DSCAML1: variants seen among roughly 807,000 people sequenced by gnomAD.
DSCAML1 encodes DS cell adhesion molecule like 1, also known as cell adhesion molecule DSCAML1.
In DSCAML1, 38 loss-of-function variants were observed where a neutral mutation model predicts 200.5. The ratio of observed to expected loss-of-function variants is 0.19; its 90% CI spans 0.15 to 0.25. The LOEUF is 0.25. Among genes scored for constraint, DSCAML1 ranks in the 10% least tolerant of loss-of-function variants. The probability of loss-of-function intolerance (pLI) is 1.00; values close to 1 mark genes in which losing one functional copy is unlikely to be tolerated. For missense variants in DSCAML1, 2,223 were observed against 2,858.8 expected (o/e 0.78, Z 5.07); for synonymous variants, 1,215 against 1,165.0 (o/e 1.04, Z -0.87).
At chr11:117,519,307 T>C (rs1439559904) in intron 6 of DSCAML1, among the ~76,000 whole-genome samples, 1 of 152,182 alleles carries the variant, frequency 6.6e-6, no homozygotes, top group African/African-American at 2.4e-5. Context: ...GCTGCAACCC[T>C]GTTAGCACAA....
intron 16 of DSCAML1, among the ~76,000 whole-genome samples, chr11:117,465,682 T>C (rs541486914): frequency 2.6e-5 from 4 of 152,276 alleles, no homozygotes; most frequent in African/African-American, 9.6e-5. Flanking sequence ...GACGCTTTGT[T>C]ACTGTCGCAC....
intron 3 of DSCAML1, among the ~76,000 whole-genome samples, chr11:117,731,605 G>T (rs2054220566): frequency 6.6e-6 from 1 of 152,154 alleles, no homozygotes; most frequent in African/African-American, 2.4e-5. Flanking sequence ...CAGAAGCTGG[G>T]CAATCTGCCC....
intron 3 of DSCAML1, among the ~76,000 whole-genome samples, chr11:117,756,270 C>A (rs1397051769): frequency 6.6e-6 from 1 of 152,160 alleles, no homozygotes; most frequent in Non-Finnish European, 1.5e-5. Flanking sequence ...TTCTGTGTTC[C>A]ACATTATCTG....
chr11:117,634,828 G>A (rs1272228766), intron 3 of DSCAML1, among the ~76,000 whole-genome samples: 2 of 152,208 alleles, frequency 1.3e-5, no homozygotes, highest in South Asian at 2.1e-4. Context: ...GCTTCATCTC[G>A]TTTCAGGACT....
At chr11:117,576,154 C>T (rs1173008614) in intron 3 of DSCAML1, among the ~76,000 whole-genome samples, 2 of 152,148 alleles carry the variant, frequency 1.3e-5, no homozygotes, top group African/African-American at 4.8e-5. Flanking sequence ...GCTGCTGTAC[C>T]CTTACCCGGA....
At chr11:117,662,175 T>C (rs1469720371) in intron 3 of DSCAML1, among the ~76,000 whole-genome samples, 2 of 152,236 alleles carry the variant, frequency 1.3e-5, no homozygotes, top group Non-Finnish European at 2.9e-5. Context: ...CCTTCACTTC[T>C]GTTGGTCACA....
chr11:117,495,892 A>C (rs1177607701), intron 11 of DSCAML1, among the ~76,000 whole-genome samples: 1 of 152,122 alleles, frequency 6.6e-6, no homozygotes, highest in Non-Finnish European at 1.5e-5. Flanking sequence ...TATCATTCCT[A>C]TCATCTAGTG....
chr11:117,781,956 C>G (rs2055272706), intron 1 of DSCAML1, among the ~76,000 whole-genome samples: 1 of 152,232 alleles, frequency 6.6e-6, no homozygotes, highest in South Asian at 2.1e-4. Context: ...GTCCCCCTTC[C>G]TCTTGAGGAG....
chr11:117,595,055 C>T (rs2051335098), intron 3 of DSCAML1, among the ~76,000 whole-genome samples: 8 of 144,562 alleles, frequency 5.5e-5, no homozygotes, highest in Admixed American at 4.7e-4. Context: ...CTCTGTCTTT[C>T]TCTTACACAC....
intron 3 of DSCAML1, among the ~76,000 whole-genome samples, chr11:117,763,421 C>T (rs1339297851): frequency 1.3e-5 from 2 of 151,452 alleles, no homozygotes; most frequent in Admixed American, 6.6e-5. Flanking sequence ...GAGACGTGGA[C>T]TCCAGGAGGC....
chr11:117,546,562 G>T (rs1246021925), intron 3 of DSCAML1, among the ~76,000 whole-genome samples: 1 of 152,108 alleles, frequency 6.6e-6, no homozygotes, highest in Non-Finnish European at 1.5e-5. Flanking sequence ...AGGTGGGAGG[G>T]GTGTGGAGTT....
intron 3 of DSCAML1, among the ~76,000 whole-genome samples, chr11:117,612,706 G>A (rs1018347682): frequency 1.9e-4 from 29 of 152,182 alleles, no homozygotes; most frequent in Non-Finnish European, 3.1e-4. Context: ...AGCCTGGTGT[G>A]CCCAGGGCCA....
intron 21 of DSCAML1, among the ~76,000 whole-genome samples, chr11:117,441,992 A>G (rs2048060147): frequency 6.6e-6 from 1 of 150,904 alleles, no homozygotes; most frequent in Admixed American, 6.6e-5. Flanking sequence ...ATGTGTGTGT[A>G]TGTGTGGGTG....
In DSCAML1 at chr11:117,596,387, GAA is replaced by G. The variant is rs576749301; in HGVS notation, c.512-63867_512-63866del. On this transcript the variant is annotated intron_variant, in intron 3 of 32. Coordinates refer to ENST00000651296, the MANE Select transcript of DSCAML1 (RefSeq NM_020693.4). Reference sequence around the variant, plus strand: ...AGCCAGAACATGCCATTCTTCTCAGGAAAAAAAAAAAAAAAATCTCAGTAGGA... The same window carrying G: ...AGCCAGAACATGCCATTCTTCTCAGGAAAAAAAAAAAAAATCTCAGTAGGA... Among the ~76,000 whole-genome samples, 155 of 138,548 alleles carry G rather than the reference GAA, an allele frequency of 1.1e-3. 1 individual carries two copies. The highest frequency in any genetic ancestry group is 2.9e-3 in the African/African-American group (112 of 38,460). The allele number at this position is 138,548 out of a possible 152,430, so 90.9% of individuals were successfully genotyped here.
chr11:117,671,808 G>A (rs1458104262), intron 3 of DSCAML1, among the ~76,000 whole-genome samples: 2 of 152,138 alleles, frequency 1.3e-5, no homozygotes, highest in Non-Finnish European at 2.9e-5. Context: ...CATTGCAGGT[G>A]TTTAGGGTAA....
chr11:117,521,454 C>A lies in DSCAML1; in HGVS notation c.938-49G>T, dbSNP rs1303190853. The A allele has an allele frequency of 5.7e-6, 9 of 1,580,604 alleles. No homozygotes were observed. The Admixed American group carries it at 1.1e-4, about 19-fold the overall frequency. The stretch of plus-strand genomic sequence containing the variant: ...AGGGGAAATGGGAGGGAGGAAAGAA[C>A]AGAAAAAGGGCTTACTGTGAGTGGA... On this transcript the variant is annotated intron_variant, in intron 5 of 32. Coordinates refer to ENST00000651296, the MANE Select transcript of DSCAML1 (RefSeq NM_020693.4).
intron 4 of DSCAML1, among the ~76,000 whole-genome samples, chr11:117,529,443 C>T (rs78731850): frequency 0.013 from 1,937 of 152,162 alleles, 36 homozygotes; most frequent in African/African-American, 0.043. Flanking sequence ...TTTGTTACTC[C>T]CATTTTCCGG....
intron 5 of DSCAML1, among the ~76,000 whole-genome samples, 180 bp from the exon 6 acceptor site, chr11:117,521,585 C>T: frequency 6.6e-6 from 1 of 152,154 alleles, no homozygotes; most frequent in Admixed American, 6.5e-5. Flanking sequence ...TCAGTTTACT[C>T]ATTTGTGAAA....
intron 3 of DSCAML1, among the ~76,000 whole-genome samples, chr11:117,602,352 A>AG (rs1327768515): frequency 2.6e-5 from 4 of 152,118 alleles, no homozygotes; most frequent in Admixed American, 6.5e-5. Flanking sequence ...CCTGGCAGGC[A>AG]GGGGGGTCCC....
Sources: allele counts gnomAD v4.1 joint callset (sites outside exome capture counted in the v4.1 genomes callset), GRCh38; gene constraint gnomAD v4.1.1; transcripts MANE v1.5; gene names NCBI Gene and HGNC (gene_info 2026-07-23, HGNC 2026-07-21).